Variants in KIR3DL2 observed in about 807,000 individuals in gnomAD.
KIR3DL2 encodes killer cell immunoglobulin-like receptor 3DL2.
Under a neutral mutation model 41.6 loss-of-function variants are expected in KIR3DL2, and 42 were observed. That is an observed-to-expected ratio of 1.01 (90% CI 0.79 to 1.31). KIR3DL2 has a LOEUF of 1.31. Ranked by LOEUF, KIR3DL2 falls within the 50% of genes most tolerant of loss-of-function variation. The pLI, the probability that KIR3DL2 is intolerant of heterozygous loss-of-function variation, is 0.00. For synonymous variants in KIR3DL2, 230 were observed against 221.3 expected, an observed-to-expected ratio of 1.04 and a Z score of -0.35; for missense variants, 728 against 576.8, an observed-to-expected ratio of 1.26 and a Z score of -2.68.
rs540202245 is a variant in KIR3DL2, at chr19:54,866,398, G to A, written c.1134G>A (p.Ala378=). ...CTGCTGTAATGGACCAAGAGCCTGC[G>A]GGGGACAGAACAGTGAATAGGCAGG... ...KNAAVMDQEP[A]GDRTVNRQDS... is the part of the protein sequence containing the mutation. Residue 378 remains alanine (A), a synonymous_variant, in exon 8 of 9, where the codon GCG becomes GCA. Coordinates refer to ENST00000326321, the MANE Select transcript of KIR3DL2 (RefSeq NM_006737.4). The A allele has an allele frequency of 6.2e-5, 100 of 1,613,792 alleles. No homozygotes were observed. The East Asian group carries it at 6.7e-4, about 11-fold the overall frequency.
At chr19:54,854,761 G>T (rs1327916491) in intron 4 of KIR3DL2, among the ~76,000 whole-genome samples, 1 of 151,820 alleles carries the variant, frequency 6.6e-6, no homozygotes, top group African/African-American at 2.4e-5. Context: ...AGAAAGAAAA[G>T]AGGGCAGAGG....
rs2064700121 is a variant in KIR3DL2, at chr19:54,855,718, TC to T, written c.756del (p.Tyr253ThrfsTer90). The T allele has an allele frequency of 6.2e-7, 1 of 1,613,408 alleles. No homozygotes were observed. The highest frequency in any genetic ancestry group is 1.7e-5 in the Admixed American group (1 of 59,984). On this transcript the variant is annotated frameshift_variant, in exon 5 of 9. Coordinates refer to ENST00000326321, the MANE Select transcript of KIR3DL2 (RefSeq NM_006737.4). LOFTEE classifies it high-confidence loss of function. ...LSCSSWSSYDIYHLSREGEAH... is the reference protein window; with the variant it reads ...LSCSSWSSYDXYHLSREGEAH... ...TGTAGCTCCTGGAGCTCCTATGACATCTACCATCTGTCCAGGGAAGGGGAGG... is the reference window on the plus strand; with the variant it reads ...TGTAGCTCCTGGAGCTCCTATGACATTACCATCTGTCCAGGGAAGGGGAGG...
chr19:54,866,973 G>A lies in KIR3DL2; in HGVS notation c.*242G>A. ...CCCTGCCCACCTCTCCAACCTAACTGGCTTACTTCCTAGTCCTACTTGAGG... is the reference window on the plus strand; with the variant it reads ...CCCTGCCCACCTCTCCAACCTAACTAGCTTACTTCCTAGTCCTACTTGAGG... On this transcript the variant is annotated 3_prime_UTR_variant, in exon 9 of 9. Coordinates refer to ENST00000326321, the MANE Select transcript of KIR3DL2 (RefSeq NM_006737.4). The A allele has an allele frequency of 3.5e-6, 2 of 569,092 alleles. No individual in the cohort carries two copies. The highest frequency in any genetic ancestry group is 4.3e-5 in the South Asian group (2 of 46,012). 35.3% of individuals were successfully genotyped at this position (569,092 alleles called of 1,614,324 possible).
intron 6 of KIR3DL2, among the ~76,000 whole-genome samples, chr19:54,863,058 A>C (rs1474510046): frequency 7.0e-5 from 8 of 114,198 alleles, no homozygotes; most frequent in Non-Finnish European, 1.3e-4. Flanking sequence ...TCCTGTGTCC[A>C]TGTGTTCTCA....
intron 6 of KIR3DL2, among the ~76,000 whole-genome samples, chr19:54,864,330 G>A (rs1351370566): frequency 1.3e-5 from 2 of 152,094 alleles, no homozygotes; most frequent in Non-Finnish European, 2.9e-5. Flanking sequence ...GGATTGACTT[G>A]GCAATGCAGG....
chr19:54,850,606 G>A (rs2145523133), intron 1 of KIR3DL2, 97 bp downstream of exon 1: 1 of 1,529,932 alleles, frequency 6.5e-7, no homozygotes. Context: ...TGGGCCTGGA[G>A]TGGAGATATG....
chr19:54,862,849 T>C (rs1313276988), intron 6 of KIR3DL2, among the ~76,000 whole-genome samples: 1 of 149,632 alleles, frequency 6.7e-6, no homozygotes, highest in Non-Finnish European at 1.5e-5. Context: ...ATGAGCTTTT[T>C]TTTAAAATTT....
intron 6 of KIR3DL2, among the ~76,000 whole-genome samples, chr19:54,862,244 CT>C (rs1370946803): frequency 6.6e-6 from 1 of 152,046 alleles, no homozygotes; most frequent in African/African-American, 2.4e-5. Context: ...TTCTACTTTG[CT>C]TTTTTGATCT....
chr19:54,866,779 C>G lies in KIR3DL2; in HGVS notation c.*48C>G. On this transcript the variant is annotated 3_prime_UTR_variant, in exon 9 of 9. Transcript: ENST00000326321. ...AACCAGGTTGCCAGATCCAATGAAC[C>G]AGCAGCTGGAATCTGAAGGCATCAG... 1 of 1,588,204 alleles carries G rather than the reference C, an allele frequency of 6.3e-7. No individual in the cohort carries two copies. Among genetic ancestry groups the G allele is most frequent in the Non-Finnish European group, 8.6e-7 (1 of 1,158,480 alleles).
intron 6 of KIR3DL2, among the ~76,000 whole-genome samples, chr19:54,861,384 C>T (rs1427229166): frequency 2.0e-5 from 3 of 152,078 alleles, no homozygotes; most frequent in Non-Finnish European, 4.4e-5. Context: ...CGGTGGCTCA[C>T]GCCTGTAACC....
At chr19:54,851,147 A>C in intron 1 of KIR3DL2, 73 bp from the exon 2 acceptor site, 2 of 1,572,830 alleles carry the variant, frequency 1.3e-6, no homozygotes, top group Non-Finnish European at 8.7e-7. Context: ...GCCAAGACAC[A>C]CAGTGCAGTG....
At chr19:54,862,529 G>A (rs1009654476) in intron 6 of KIR3DL2, among the ~76,000 whole-genome samples, 3 of 152,034 alleles carry the variant, frequency 2.0e-5, no homozygotes, top group African/African-American at 7.2e-5. Context: ...ACATTTCAAC[G>A]TGAGCCAGTC....
rs2064528262 is a variant in KIR3DL2 at position 54,854,023 on chromosome 19, A to C, written c.632A>C (p.Asp211Ala). Residue 211 changes from aspartate (D) to alanine (A), a missense_variant, in exon 4 of 9, where the codon GAC becomes GCC. By Grantham distance (126) the Asp-to-Ala change is moderately radical (BLOSUM62 -2). Transcript: ENST00000326321. ...HSPYQLSAPSDPLDIVITGLY... is the reference protein window; with the variant it reads ...HSPYQLSAPSAPLDIVITGLY... ...CCCTATCAGTTGTCAGCTCCCAGTG[A>C]CCCCCTGGACATCGTGATCACAGGT... The C allele has an allele frequency of 6.2e-7, 1 of 1,612,660 alleles. No homozygotes were observed. The highest frequency in any genetic ancestry group is 8.5e-7 in the Non-Finnish European group (1 of 1,179,558).
chr19:54,866,768 A>C lies in KIR3DL2; in HGVS notation c.*37A>C, dbSNP rs2915990. On this transcript the variant is annotated 3_prime_UTR_variant, in exon 9 of 9. Transcript: ENST00000326321. ...CCCTGTCTCAAAACCAGGTTGCCAG[A>C]TCCAATGAACCAGCAGCTGGAATCT... 0.038 allele frequency: 61,194 copies of C among 1,603,120 alleles called. 1,603 individuals are homozygous for C. Among genetic ancestry groups the C allele is most frequent in the East Asian group, 0.11 (5,090 of 44,772 alleles).
rs372287159 is a variant in KIR3DL2, at chr19:54,858,913, A to C, written c.950-166A>C. 3.3e-5 allele frequency among the ~76,000 whole-genome samples: 5 copies of C among 151,420 alleles called. No homozygotes were observed. The South Asian group carries it at 8.3e-4, about 25-fold the overall frequency. On this transcript the variant is annotated intron_variant, in intron 5 of 8. Transcript: ENST00000326321. ...TTTTCTCTTTATACCTTCAAGTCTC[A>C]AGACAGTGGGCATCGCACACAAAAA...
At chr19:54,850,740 G>C (rs1463544832) in intron 1 of KIR3DL2, among the ~76,000 whole-genome samples, 13 of 134,710 alleles carry the variant, frequency 9.7e-5, no homozygotes, top group African/African-American at 3.5e-4. Flanking sequence ...TACGGGCCTG[G>C]AGTGGAGATA....
At chr19:54,850,669 A>G (rs1440832171) in intron 1 of KIR3DL2, among the ~76,000 whole-genome samples, 160 bp downstream of exon 1, 1 of 123,936 alleles carries the variant, frequency 8.1e-6, no homozygotes, top group Non-Finnish European at 1.7e-5. Context: ...CCTGGAGTGG[A>G]GATATGGGCC....
Position 54,862,802 on chromosome 19 carries a change from C to CTTTT in KIR3DL2, c.1001-2984_1001-2981dup, listed in dbSNP as rs1210198153. 6.0e-3 allele frequency among the ~76,000 whole-genome samples: 480 copies of CTTTT among 79,490 alleles called. 1 individual carries two copies. Among genetic ancestry groups the CTTTT allele is most frequent in the African/African-American group, 8.0e-3 (157 of 19,670 alleles). 52.1% of individuals were successfully genotyped at this position (79,490 alleles called of 152,430 possible). A position where few individuals can be genotyped will look rare whatever the true frequency, so the allele number is the denominator to read the frequency against. ...AAGAACACTTGAGCCTGGGTTACTT[C>CTTTT]TTTTTTTTTTTTTTTTTTTTTTGTA... On this transcript the variant is annotated intron_variant, in intron 6 of 8. Transcript: ENST00000326321.
chr19:54,861,245 G>A (rs1350596797), intron 6 of KIR3DL2, among the ~76,000 whole-genome samples: 14 of 145,206 alleles, frequency 9.6e-5, no homozygotes, highest in African/African-American at 1.8e-4. Context: ...TTTAATCCTC[G>A]CTTCACTAAC....
Sources: allele counts gnomAD v4.1 joint callset (sites outside exome capture counted in the v4.1 genomes callset), GRCh38; gene constraint gnomAD v4.1.1; transcripts MANE v1.5; gene names NCBI Gene and HGNC (gene_info 2026-07-23, HGNC 2026-07-21).